The following B4GALNT2 variants were observed in gnomAD, a reference collection of about 807,000 sequenced individuals.
The protein encoded by B4GALNT2 is N-acetylneuraminylgalactosylglucosyl-glucoside beta-1,4-N- acetylgalactosaminyltransferase 2.
In B4GALNT2, 42 loss-of-function variants were observed where a neutral mutation model predicts 51.1. The observed-to-expected ratio is 0.82, with a 90% confidence interval of 0.64 to 1.06. The LOEUF is 1.06. Among genes scored for constraint, B4GALNT2 ranks in the 50% least tolerant of loss-of-function variants. The pLI is 0.00. For missense variants in B4GALNT2, 602 were observed against 633.6 expected, an observed-to-expected ratio of 0.95 and a Z score of 0.54; for synonymous variants, 253 against 251.7, an observed-to-expected ratio of 1.01 and a Z score of -0.05.
chr17:49,125,050 T>C, the B4GALNT2 span, among the ~76,000 whole-genome samples: 1 of 152,244 alleles, frequency 6.6e-6, no homozygotes, highest in Non-Finnish European at 1.5e-5. Context: ...CTCCTTATAA[T>C]CTTTTTACCA....
intron 3 of B4GALNT2, among the ~76,000 whole-genome samples, chr17:49,149,570 C>T (rs1003601767): frequency 6.6e-6 from 1 of 151,998 alleles, no homozygotes; most frequent in South Asian, 2.1e-4. Context: ...TCGCTTGAAC[C>T]CGGGAGGTGG....
At chr17:49,120,461 CTT>C in the B4GALNT2 span, among the ~76,000 whole-genome samples, 1 of 129,674 alleles carries the variant, frequency 7.7e-6, no homozygotes, top group Non-Finnish European at 1.7e-5. Context: ...GTGGAGGAGT[CTT>C]TTGTGTGTGT....
At chr17:49,140,706 T>C (rs2042635218) in intron 1 of B4GALNT2, among the ~76,000 whole-genome samples, 1 of 149,380 alleles carries the variant, frequency 6.7e-6, no homozygotes, top group Non-Finnish European at 1.5e-5. Context: ...TTAGCTATGC[T>C]GACATTAACA....
chr17:49,147,977 T>C (rs1223157885), intron 3 of B4GALNT2, among the ~76,000 whole-genome samples: 1 of 150,926 alleles, frequency 6.6e-6, no homozygotes, highest in Non-Finnish European at 1.5e-5. Flanking sequence ...TATATATATA[T>C]ATATATATTT....
At chr17:49,155,856 G>A (rs972049422) in intron 4 of B4GALNT2, among the ~76,000 whole-genome samples, 2 of 151,422 alleles carry the variant, frequency 1.3e-5, no homozygotes, top group African/African-American at 2.4e-5. Flanking sequence ...CTGAGTAGCC[G>A]GGACTACAGG....
upstream of B4GALNT2, among the ~76,000 whole-genome samples, chr17:49,131,896 G>A (rs1480558360): frequency 6.6e-6 from 1 of 152,138 alleles, no homozygotes; most frequent in African/African-American, 2.4e-5. Flanking sequence ...ACTTTGGGAG[G>A]CCGAGACAGG....
At chr17:49,156,762 C>G (rs1489235009) in intron 5 of B4GALNT2, among the ~76,000 whole-genome samples, 159 bp downstream of exon 5, 2 of 152,196 alleles carry the variant, frequency 1.3e-5, no homozygotes, top group African/African-American at 2.4e-5. Flanking sequence ...AACTTAACTT[C>G]TAGCCTTGGG....
chr17:49,175,176 G>C lies in B4GALNT2; in HGVS notation c.*5448G>C, dbSNP rs1179110478. The stretch of plus-strand genomic sequence containing the variant: ...CTGTAGAGAAATGATTGAAATGTCT[G>C]CTCCTGTATCTACCAAACCTTTAAA... On this transcript the variant is annotated 3_prime_UTR_variant, in exon 11 of 11. Coordinates refer to ENST00000393354, the MANE Select transcript of B4GALNT2 (RefSeq NM_001159387.2). 6.6e-6 allele frequency: 1 copy of C among 152,112 alleles called. No homozygotes were observed. Among genetic ancestry groups the C allele is most frequent in the Non-Finnish European group, 1.5e-5 (1 of 68,028 alleles). 9.4% of individuals were successfully genotyped at this position (152,112 alleles called of 1,614,324 possible).
At chr17:49,125,596 C>T in the B4GALNT2 span, among the ~76,000 whole-genome samples, 1 of 151,792 alleles carries the variant, frequency 6.6e-6, no homozygotes, top group South Asian at 2.1e-4. Context: ...CATCTCTGCC[C>T]GGCTGCCCGT....
intron 4 of B4GALNT2, among the ~76,000 whole-genome samples, chr17:49,155,763 G>T (rs958279582): frequency 6.6e-6 from 1 of 150,570 alleles, no homozygotes; most frequent in Non-Finnish European, 1.5e-5. Flanking sequence ...TTGCTCTGTC[G>T]CCCAGGCTGG....
chr17:49,152,604 AGGC>A (rs1449107329), intron 3 of B4GALNT2, among the ~76,000 whole-genome samples, 193 bp from the exon 4 acceptor site: 3 of 152,226 alleles, frequency 2.0e-5, no homozygotes, highest in African/African-American at 7.2e-5. Context: ...TGAGCCCGGG[AGGC>A]GGAGCTTGCA....
intron 10 of B4GALNT2, 72 bp downstream of exon 10, chr17:49,168,972 G>A (rs756922212): frequency 6.3e-5 from 91 of 1,442,496 alleles, no homozygotes; most frequent in Admixed American, 1.6e-4. Context: ...CTTTCCAAGG[G>A]CTGTACCCGG....
At chr17:49,128,189 A>T (rs147873046), upstream of B4GALNT2, among the ~76,000 whole-genome samples, 629 of 152,288 alleles carry the variant, frequency 4.1e-3, 5 homozygotes, top group African/African-American at 0.015. Flanking sequence ...TTGATTTGCA[A>T]CAAATCAGAC....
At chr17:49,129,632 A>G (rs1457132128), upstream of B4GALNT2, among the ~76,000 whole-genome samples, 9 of 144,720 alleles carry the variant, frequency 6.2e-5, no homozygotes, top group Admixed American at 6.2e-4. Flanking sequence ...TTTGGTCAGA[A>G]GCATTCTGTC....
At chr17:49,143,036 G>A (rs1693904182) in intron 3 of B4GALNT2, among the ~76,000 whole-genome samples, 1 of 152,148 alleles carries the variant, frequency 6.6e-6, no homozygotes, top group Non-Finnish European at 1.5e-5. Flanking sequence ...ATCACTTGAG[G>A]TCAGGAGTTC....
chr17:49,154,754 A>G (rs890345926), intron 4 of B4GALNT2, among the ~76,000 whole-genome samples: 9 of 152,196 alleles, frequency 5.9e-5, no homozygotes, highest in African/African-American at 1.7e-4. Context: ...CAGGACATCA[A>G]CAGATGGCAT....
the B4GALNT2 span, among the ~76,000 whole-genome samples, chr17:49,125,987 G>A: frequency 6.0e-3 from 901 of 150,580 alleles, 4 homozygotes; most frequent in African/African-American, 0.021. Flanking sequence ...CCGCCACCCC[G>A]TCTGGGAGGT....
chr17:49,166,179 C>T lies in B4GALNT2; in HGVS notation c.1020C>T (p.Asp340=), dbSNP rs142560351. 4.0e-4 allele frequency: 645 copies of T among 1,613,942 alleles called. 1 individual carries two copies. The highest frequency in any genetic ancestry group is 5.2e-4 in the Non-Finnish European group (612 of 1,179,952). Residue 340 remains aspartate, a synonymous_variant, in exon 9 of 11, where the codon GAC becomes GAT. Transcript: ENST00000393354. The stretch of plus-strand genomic sequence containing the variant: ...CCACCAAATACGTTCTCTGGGTGGA[C>T]GATGATTTTCTCTTCAACGAGGAGA... ...QVTTKYVLWV[D]DDFLFNEETK...
At chr17:49,124,263 G>A in the B4GALNT2 span, among the ~76,000 whole-genome samples, 127 of 152,298 alleles carry the variant, frequency 8.3e-4, no homozygotes, top group African/African-American at 3.0e-3. Context: ...CTCTTCGAGA[G>A]TCCTGAACGT....
Sources: gnomAD v4.1 joint callset for allele counts (sites outside exome capture counted in the v4.1 genomes callset) on GRCh38, gnomAD v4.1.1 for gene constraint, MANE v1.5 for transcripts, NCBI Gene and HGNC (gene_info 2026-07-23, HGNC 2026-07-21) for gene names.